CSMD1: variants seen among roughly 807,000 people sequenced by gnomAD.
CSMD1 encodes CUB and Sushi multiple domains 1.
CSMD1 carries 213 observed loss-of-function variants against 417.5 expected under a neutral mutation model. The observed-to-expected ratio is 0.51, with a 90% CI of 0.46 to 0.57. The LOEUF (loss-of-function observed/expected upper bound fraction) is 0.57, where lower values mean the gene tolerates loss of function less well. Among genes scored for constraint, CSMD1 ranks in the 20% least tolerant of loss-of-function variants. The pLI is 0.00. For missense variants in CSMD1, 6,923 were observed against 4,529.7 expected, an observed-to-expected ratio of 1.53 and a Z score of -15.17; for synonymous variants, 2,862 against 1,736.8, an observed-to-expected ratio of 1.65 and a Z score of -16.11.
At chr8:4,205,500 G>A (rs566466858) in intron 3 of CSMD1, among the ~76,000 whole-genome samples, 6 of 152,270 alleles carry the variant, frequency 3.9e-5, no homozygotes, top group Admixed American at 2.0e-4. Context: ...GCCACTCGAG[G>A]TAACTATCTT....
intron 1 of CSMD1, among the ~76,000 whole-genome samples, chr8:4,724,887 A>G (rs1371584762): frequency 6.6e-6 from 1 of 152,118 alleles, no homozygotes; most frequent in African/African-American, 2.4e-5. Context: ...AACCTCAACT[A>G]TAATATGAAT....
chr8:3,313,445 G>A (rs1805509756), intron 23 of CSMD1, among the ~76,000 whole-genome samples: 1 of 152,124 alleles, frequency 6.6e-6, no homozygotes, highest in Non-Finnish European at 1.5e-5. Context: ...TCAAAAAGTG[G>A]GTGAAGGATG....
At chr8:3,790,009 G>A (rs531824860) in intron 5 of CSMD1, among the ~76,000 whole-genome samples, 1 of 152,268 alleles carries the variant, frequency 6.6e-6, no homozygotes, top group South Asian at 2.1e-4. Context: ...GGGATTACAG[G>A]CGTAAGCCAC....
At chr8:3,681,077 A>G (rs1799636653) in intron 7 of CSMD1, among the ~76,000 whole-genome samples, 1 of 152,328 alleles carries the variant, frequency 6.6e-6, no homozygotes, top group Admixed American at 6.5e-5. Context: ...CCCACAGCCA[A>G]TATCATACTG....
chr8:3,218,547 C>T (rs1054201399), intron 29 of CSMD1, among the ~76,000 whole-genome samples: 2 of 135,164 alleles, frequency 1.5e-5, no homozygotes, highest in African/African-American at 2.8e-5. Context: ...CATGATAGAG[C>T]AAGACTCCAT....
chr8:3,243,942 G>T (rs1446729493), intron 26 of CSMD1, among the ~76,000 whole-genome samples: 6 of 152,090 alleles, frequency 3.9e-5, no homozygotes, highest in Admixed American at 3.3e-4. Flanking sequence ...AATTTTATTT[G>T]TTGACCGAGG....
intron 2 of CSMD1, among the ~76,000 whole-genome samples, chr8:4,587,085 T>C (rs1799738709): frequency 6.6e-6 from 1 of 152,218 alleles, no homozygotes; most frequent in Non-Finnish European, 1.5e-5. Context: ...TTTACTATTA[T>C]ATATGACAAT....
chr8:3,297,675 A>C (rs1804067870), intron 25 of CSMD1, among the ~76,000 whole-genome samples: 1 of 152,206 alleles, frequency 6.6e-6, no homozygotes, highest in Non-Finnish European at 1.5e-5. Context: ...TAGAGATGTA[A>C]ATGTGAAAGG....
intron 7 of CSMD1, among the ~76,000 whole-genome samples, chr8:3,660,269 C>A (rs1163833219): frequency 6.6e-6 from 1 of 152,050 alleles, no homozygotes; most frequent in Non-Finnish European, 1.5e-5. Flanking sequence ...CATTCTTTGC[C>A]TATGTTTTTC....
chr8:4,386,306 T>C (rs979323206), intron 3 of CSMD1, among the ~76,000 whole-genome samples: 1 of 152,066 alleles, frequency 6.6e-6, no homozygotes, highest in African/African-American at 2.4e-5. Context: ...CAAAACACAC[T>C]ATCAGACATT....
chr8:3,053,269 G>A (rs1811989456), intron 49 of CSMD1, among the ~76,000 whole-genome samples: 1 of 152,106 alleles, frequency 6.6e-6, no homozygotes, highest in African/African-American at 2.4e-5. Flanking sequence ...CAGAGGGTGT[G>A]GCCACGGGAG....
chr8:4,134,148 T>C (rs570606980), intron 3 of CSMD1, among the ~76,000 whole-genome samples: 7 of 152,318 alleles, frequency 4.6e-5, no homozygotes, highest in South Asian at 4.1e-4. Flanking sequence ...TTTAATGACA[T>C]TGAAACTCAT....
intron 5 of CSMD1, among the ~76,000 whole-genome samples, chr8:3,980,812 C>G (rs750331911): frequency 6.6e-6 from 1 of 152,160 alleles, no homozygotes. Flanking sequence ...CCTTGGCCAA[C>G]CACTAATGTC....
chr8:3,587,200 A>T (rs532280644), intron 8 of CSMD1, among the ~76,000 whole-genome samples: 1 of 152,264 alleles, frequency 6.6e-6, no homozygotes, highest in Non-Finnish European at 1.5e-5. Flanking sequence ...GGTTGTAAAC[A>T]TTAACAAGAC....
chr8:4,044,429 T>C (rs1008947546), intron 3 of CSMD1, among the ~76,000 whole-genome samples: 29 of 152,252 alleles, frequency 1.9e-4, no homozygotes, highest in Admixed American at 9.8e-4. Context: ...AGCTCTAAAA[T>C]TCTTTACCAT....
chr8:3,908,229 CA>C (rs1401640576), intron 5 of CSMD1, among the ~76,000 whole-genome samples: 1 of 144,572 alleles, frequency 6.9e-6, no homozygotes, highest in East Asian at 2.1e-4. Context: ...ATTTAATTTG[CA>C]TAACAATTTT....
intron 8 of CSMD1, among the ~76,000 whole-genome samples, chr8:3,591,882 G>C (rs1261828279): frequency 6.6e-6 from 1 of 152,120 alleles, no homozygotes; most frequent in Admixed American, 6.5e-5. Context: ...TAGATGGATA[G>C]ATGACAGATA....
chr8:3,983,982 C>G (rs1402788695), intron 5 of CSMD1, among the ~76,000 whole-genome samples: 1 of 149,708 alleles, frequency 6.7e-6, no homozygotes, highest in Admixed American at 6.6e-5. Context: ...TCAATTGCAG[C>G]TCTAGAGCAC....
intron 18 of CSMD1, among the ~76,000 whole-genome samples, chr8:3,374,026 C>A (rs1810149351): frequency 6.7e-6 from 1 of 149,964 alleles, no homozygotes; most frequent in Admixed American, 6.7e-5. Context: ...GATCTTGGCT[C>A]ACTGCAACCT....
Sources: allele counts gnomAD v4.1 joint callset (sites outside exome capture counted in the v4.1 genomes callset), GRCh38; gene constraint gnomAD v4.1.1; transcripts MANE v1.5; gene names NCBI Gene and HGNC (gene_info 2026-07-23, HGNC 2026-07-21).